The following DST variants were observed in gnomAD, a reference collection of about 807,000 sequenced individuals.
DST encodes dystonin.
Under a neutral mutation model 875.2 loss-of-function variants are expected in DST, and 253 were observed. That is an observed-to-expected ratio of 0.29 (90% CI 0.26 to 0.32). The LOEUF is 0.32. Ranked by LOEUF, DST falls within the 10% of genes least tolerant of loss-of-function variation. DST has a pLI of 1.00. For synonymous variants in DST, 3,124 were observed against 3,197.1 expected (o/e 0.98, Z 0.77); for missense variants, 8,287 against 9,111.6 (o/e 0.91, Z 3.68).
At chr6:56,695,815 T>C (rs770425348) in intron 9 of DST, among the ~76,000 whole-genome samples, 1 of 152,228 alleles carries the variant, frequency 6.6e-6, no homozygotes, top group Non-Finnish European at 1.5e-5. Flanking sequence ...ACAAATATTG[T>C]TAAAATAAAA....
intron 72 of DST, among the ~76,000 whole-genome samples, chr6:56,512,890 C>G (rs887723908): frequency 6.6e-6 from 1 of 152,098 alleles, no homozygotes; most frequent in Non-Finnish European, 1.5e-5. Context: ...TGTGGGAGGG[C>G]CATGTTTGCA....
intron 5 of DST, among the ~76,000 whole-genome samples, chr6:56,719,614 A>G (rs2099407104): frequency 6.6e-6 from 1 of 152,252 alleles, no homozygotes; most frequent in Non-Finnish European, 1.5e-5. Context: ...AAAGAGAATT[A>G]TCAGGAGAAA....
chr6:56,935,715 C>G (rs2127772259), intron 2 of DST, among the ~76,000 whole-genome samples: 1 of 152,238 alleles, frequency 6.6e-6, no homozygotes, highest in East Asian at 1.9e-4. Flanking sequence ...ATCACGAGGT[C>G]AAGAGATCGA....
chr6:56,908,749 G>A (rs1357471754), intron 2 of DST, among the ~76,000 whole-genome samples: 1 of 152,174 alleles, frequency 6.6e-6, no homozygotes, highest in East Asian at 1.9e-4. Flanking sequence ...ACAGGTTGCA[G>A]CAAAGAAGCT....
Position 56,600,191 on chromosome 6 carries a change from C to G in DST, c.11572G>C (p.Glu3858Gln). 6.2e-7 allele frequency: 1 copy of G among 1,612,574 alleles called. No homozygotes were observed. Among genetic ancestry groups the G allele is most frequent in the Non-Finnish European group, 8.5e-7 (1 of 1,178,946 alleles). ...AGATCACATATCCCTTGGAGTTTCT[C>G]TTTATACTCCTGCTGACGCTCTGCT... is the stretch of plus-strand genomic sequence containing the variant. ...IVAERQQEYK[E>Q]KLQGICDLLT... The change falls in exon 45 of 104, where the codon GAG becomes CAG. Residue 3858 changes from glutamate (E) to glutamine (Q), a missense_variant. Physicochemically the swap from Glu to Gln is conservative, Grantham distance 29 (BLOSUM62 2). Transcript: ENST00000680361.
At chr6:56,636,344 A>ATG (rs750982586) in intron 23 of DST, among the ~76,000 whole-genome samples, 4 of 150,358 alleles carry the variant, frequency 2.7e-5, no homozygotes, top group Non-Finnish European at 4.4e-5. Context: ...ATGTATATGT[A>ATG]TGTGTATATA....
At chr6:56,527,937 C>T (rs1275087574) in intron 67 of DST, among the ~76,000 whole-genome samples, 2 of 152,124 alleles carry the variant, frequency 1.3e-5, no homozygotes, top group African/African-American at 4.8e-5. Context: ...TCTGAAAATA[C>T]AAATGTAGGA....
At chr6:56,581,193 C>A (rs577088097) in intron 49 of DST, among the ~76,000 whole-genome samples, 1 of 151,752 alleles carries the variant, frequency 6.6e-6, no homozygotes, top group Non-Finnish European at 1.5e-5. Context: ...AGAGTTGGAA[C>A]CCAAACTGGA....
chr6:56,735,502 C>T (rs1404711271), intron 4 of DST, among the ~76,000 whole-genome samples: 1 of 152,046 alleles, frequency 6.6e-6, no homozygotes, highest in Non-Finnish European at 1.5e-5. Context: ...CTGCATTTAC[C>T]AATATTCCTC....
intron 62 of DST, among the ~76,000 whole-genome samples, chr6:56,535,962 C>T (rs1237260302): frequency 6.6e-6 from 1 of 152,150 alleles, no homozygotes; most frequent in Non-Finnish European, 1.5e-5. Context: ...TACAGCATTC[C>T]AACTGTGTTT....
chr6:56,804,620 G>A (rs1458064324), intron 4 of DST, among the ~76,000 whole-genome samples: 4 of 152,014 alleles, frequency 2.6e-5, no homozygotes, highest in Non-Finnish European at 5.9e-5. Flanking sequence ...ATGCTCTAAC[G>A]ACCACGCTAA....
chr6:56,796,559 T>C (rs1262194983), intron 4 of DST, among the ~76,000 whole-genome samples: 5 of 152,016 alleles, frequency 3.3e-5, no homozygotes, highest in Admixed American at 3.3e-4. Context: ...GATTTAAATA[T>C]CAAAAGAAAC....
intron 9 of DST, chr6:56,693,411 T>C (rs1369922243): frequency 9.2e-7 from 1 of 1,090,646 alleles, no homozygotes; most frequent in Non-Finnish European, 1.1e-6. Context: ...CAAACATTAC[T>C]GCTCACTGTC....
intron 24 of DST, 113 bp downstream of exon 24, chr6:56,635,476 T>A: frequency 9.2e-7 from 1 of 1,086,578 alleles, no homozygotes; most frequent in Non-Finnish European, 1.4e-6. Context: ...AATGTGTAAT[T>A]GAATTAGTGG....
Position 56,634,865 on chromosome 6 carries a change from T to G in DST, c.3275A>C (p.Asn1092Thr). The G allele has an allele frequency of 6.2e-7, 1 of 1,614,028 alleles. No individual in the cohort carries two copies. Among genetic ancestry groups the G allele is most frequent in the Non-Finnish European group, 8.5e-7 (1 of 1,179,980 alleles). The change falls in exon 25 of 104, where the codon AAT becomes ACT. Residue 1092 changes from asparagine (N) to threonine (T), a missense_variant. Transcript: ENST00000680361. ...AGAAGTTTTGAGTGGACAGTCAGAA[T>G]TCCTTGGCTTCAGTTGAATTATTGT... ...AKTIIQLKPR[N>T]SDCPLKTSIP...
chr6:56,555,941 GT>G (rs375271674), intron 59 of DST, 101 bp from the exon 60 acceptor site: 1 of 1,258,406 alleles, frequency 7.9e-7, no homozygotes. Context: ...TATTTCTCCA[GT>G]TTTTGTTTTT....
At chr6:56,824,807 C>T (rs1413068657) in intron 4 of DST, among the ~76,000 whole-genome samples, 20 of 152,038 alleles carry the variant, frequency 1.3e-4, no homozygotes, top group African/African-American at 4.1e-4. Context: ...CCCCTCCGTC[C>T]GGCAGCCGCC....
intron 2 of DST, among the ~76,000 whole-genome samples, chr6:56,946,666 TAA>T (rs1819636467): frequency 6.6e-6 from 1 of 152,208 alleles, no homozygotes; most frequent in African/African-American, 2.4e-5. Context: ...GAAGGAAGGC[TAA>T]GATGCCAGTT....
chr6:56,477,599 G>A, intron 90 of DST, 111 bp from the exon 91 acceptor site: 1 of 1,369,240 alleles, frequency 7.3e-7, no homozygotes, highest in Non-Finnish European at 1.0e-6. Context: ...ACTTCAATTG[G>A]TTTATTCACA....
Sources: gnomAD v4.1 joint callset for allele counts (sites outside exome capture counted in the v4.1 genomes callset) on GRCh38, gnomAD v4.1.1 for gene constraint, MANE v1.5 for transcripts, NCBI Gene and HGNC (gene_info 2026-07-23, HGNC 2026-07-21) for gene names.